The following MACROD2 variants were observed in gnomAD, a reference collection of about 807,000 sequenced individuals.
The protein encoded by MACROD2 is ADP-ribose glycohydrolase MACROD2.
Under a neutral mutation model 70.4 loss-of-function variants are expected in MACROD2, and 36 were observed. The observed-to-expected ratio is 0.51, with a 90% CI of 0.39 to 0.68. The LOEUF is 0.68. Ranked by LOEUF, MACROD2 falls within the 30% of genes least tolerant of loss-of-function variation. MACROD2 has a pLI of 0.00. For missense variants in MACROD2, 496 were observed against 538.4 expected (o/e 0.92, Z 0.78); for synonymous variants, 172 against 178.8 (o/e 0.96, Z 0.30).
chr20:15,621,811 C>A (rs555028819), intron 8 of MACROD2, among the ~76,000 whole-genome samples: 1 of 152,312 alleles, frequency 6.6e-6, no homozygotes, highest in Non-Finnish European at 1.5e-5. Context: ...CACCAAGCCA[C>A]GCAGAATGTA....
chr20:15,008,574 A>G (rs1360428476), intron 5 of MACROD2, among the ~76,000 whole-genome samples: 1 of 152,170 alleles, frequency 6.6e-6, no homozygotes, highest in African/African-American at 2.4e-5. Context: ...AGAAAGATGG[A>G]TGCACACGCA....
chr20:14,310,161 T>C (rs2082553978), intron 3 of MACROD2, among the ~76,000 whole-genome samples: 1 of 152,216 alleles, frequency 6.6e-6, no homozygotes, highest in African/African-American at 2.4e-5. Context: ...GTAATGATTA[T>C]ACCCTTTAAT....
chr20:14,352,713 GTTTTC>G (rs2083134907), intron 3 of MACROD2, among the ~76,000 whole-genome samples: 1 of 151,374 alleles, frequency 6.6e-6, no homozygotes, highest in Non-Finnish European at 1.5e-5. Context: ...GGGAAAGGAT[GTTTTC>G]TTTTTCTTCT....
At chr20:14,285,761 T>G (rs191817429) in intron 3 of MACROD2, among the ~76,000 whole-genome samples, 7 of 152,170 alleles carry the variant, frequency 4.6e-5, no homozygotes, top group African/African-American at 1.7e-4. Context: ...GGAGTGGTAA[T>G]AGATTGTGTT....
chr20:14,794,244 A>G (rs1221814093), intron 5 of MACROD2, among the ~76,000 whole-genome samples: 4 of 152,174 alleles, frequency 2.6e-5, no homozygotes, highest in Non-Finnish European at 4.4e-5. Context: ...AAACATTTGT[A>G]GTTATATACT....
intron 5 of MACROD2, among the ~76,000 whole-genome samples, chr20:15,130,846 A>T (rs2076099514): frequency 6.6e-6 from 1 of 152,072 alleles, no homozygotes; most frequent in Admixed American, 6.6e-5. Flanking sequence ...GGTACTCCTG[A>T]TGGAAGTAGA....
At chr20:15,863,563 T>C (rs2064453892) in intron 9 of MACROD2, among the ~76,000 whole-genome samples, 1 of 152,230 alleles carries the variant, frequency 6.6e-6, no homozygotes, top group African/African-American at 2.4e-5. Context: ...GTGCTTTCCT[T>C]AGCCATGGCA....
At chr20:15,059,678 T>G (rs992158272) in intron 5 of MACROD2, among the ~76,000 whole-genome samples, 2 of 152,180 alleles carry the variant, frequency 1.3e-5, no homozygotes, top group Non-Finnish European at 2.9e-5. Context: ...TTCTTCAAGA[T>G]GGAAAGCTGG....
At position 14,831,780 on chromosome 20, in the gene MACROD2, CAAAAAAAAAAA is replaced by C. The variant is rs71190151; in HGVS notation, c.418+146838_418+146848del. ...GGGTGACAAGAGTGAAACTCCGTCT[CAAAAAAAAAAA>C]AAAAAAAAAAAAAAAAGCAACAACA... On this transcript the variant is annotated intron_variant, in intron 5 of 17. Transcript: ENST00000684519. Among the ~76,000 whole-genome samples the C allele has an allele frequency of 1.6e-3, 59 of 37,182 alleles. 2 individuals are homozygous for C. The East Asian group carries it at 0.068, about 43-fold the overall frequency. 24.4% of individuals were successfully genotyped at this position (37,182 alleles called of 152,430 possible).
At chr20:15,166,987 A>G (rs2145882564) in intron 5 of MACROD2, among the ~76,000 whole-genome samples, 1 of 151,092 alleles carries the variant, frequency 6.6e-6, no homozygotes, top group South Asian at 2.1e-4. Flanking sequence ...TATTTAATTT[A>G]AGTATGAAAT....
At chr20:15,329,925 A>G (rs1397689399) in intron 6 of MACROD2, among the ~76,000 whole-genome samples, 1 of 152,078 alleles carries the variant, frequency 6.6e-6, no homozygotes, top group Non-Finnish European at 1.5e-5. Flanking sequence ...CCCTTGTAAA[A>G]TCATAAGACC....
chr20:15,549,810 T>C (rs2048071816), intron 8 of MACROD2, among the ~76,000 whole-genome samples: 1 of 152,182 alleles, frequency 6.6e-6, no homozygotes, highest in Admixed American at 6.5e-5. Context: ...ACATGTTAAC[T>C]CAAACCAAAT....
chr20:15,613,649 G>A (rs752701511), intron 8 of MACROD2, among the ~76,000 whole-genome samples: 3 of 152,190 alleles, frequency 2.0e-5, no homozygotes, highest in Admixed American at 6.5e-5. Context: ...ACTGATAAGA[G>A]GACGGAGGCT....
chr20:14,778,472 C>T (rs904345147), intron 5 of MACROD2, among the ~76,000 whole-genome samples: 3 of 151,986 alleles, frequency 2.0e-5, no homozygotes, highest in Non-Finnish European at 4.4e-5. Flanking sequence ...ATCCAGTGGC[C>T]TTATCTGAAA....
chr20:15,330,479 A>G lies in MACROD2; in HGVS notation c.540+100418A>G, dbSNP rs578167834. On this transcript the variant is annotated intron_variant, in intron 6 of 17. Transcript: ENST00000684519. The stretch of plus-strand genomic sequence containing the variant: ...CTATCAGAAGGAGAACTGAGCCCCA[A>G]TCAAGGTGTAGATTAGTGGTTGGGC... 5.7e-4 allele frequency among the ~76,000 whole-genome samples: 87 copies of G among 151,648 alleles called. 2 individuals carry two copies. The highest frequency in any genetic ancestry group is 1.7e-3 in the African/African-American group (71 of 41,066).
chr20:14,166,749 T>C (rs1464833620), intron 3 of MACROD2, among the ~76,000 whole-genome samples: 1 of 152,200 alleles, frequency 6.6e-6, no homozygotes, highest in Admixed American at 6.5e-5. Flanking sequence ...AGGTAGCTTT[T>C]GTATCATTTC....
intron 5 of MACROD2, among the ~76,000 whole-genome samples, chr20:15,166,362 G>T (rs2076383907): frequency 6.6e-6 from 1 of 152,132 alleles, no homozygotes; most frequent in Admixed American, 6.6e-5. Context: ...ACCACAGAAG[G>T]CTCTCTCTTT....
intron 5 of MACROD2, among the ~76,000 whole-genome samples, chr20:15,022,362 T>C (rs2075194616): frequency 6.6e-6 from 1 of 152,188 alleles, no homozygotes; most frequent in South Asian, 2.1e-4. Flanking sequence ...AAAGCTCCAT[T>C]TTCTGGCTTT....
At chr20:15,747,961 G>A (rs572591862) in intron 8 of MACROD2, among the ~76,000 whole-genome samples, 1 of 152,088 alleles carries the variant, frequency 6.6e-6, no homozygotes, top group Admixed American at 6.6e-5. Context: ...GTTTTATAGG[G>A]TTTTGTCCTC....
Sources: allele counts gnomAD v4.1 joint callset (sites outside exome capture counted in the v4.1 genomes callset), GRCh38; gene constraint gnomAD v4.1.1; transcripts MANE v1.5; gene names NCBI Gene and HGNC (gene_info 2026-07-23, HGNC 2026-07-21).